Variants in YTHDF2 observed in about 807,000 individuals in gnomAD.
The protein encoded by YTHDF2 is YTH N6-methyladenosine RNA binding protein F2.
In YTHDF2, 2 loss-of-function variants were observed where a neutral mutation model predicts 50.4. That is an observed-to-expected ratio of 0.04 (90% CI 0.02 to 0.12). The LOEUF is 0.12. YTHDF2 is among the 10% of genes least tolerant of loss of function. YTHDF2 has a pLI of 1.00. For missense variants in YTHDF2, 483 were observed against 722.6 expected, an observed-to-expected ratio of 0.67 and a Z score of 3.80; for synonymous variants, 217 against 255.6, an observed-to-expected ratio of 0.85 and a Z score of 1.44.
chr1:28,754,384 G>A (rs557035228), intron 4 of YTHDF2, among the ~76,000 whole-genome samples: 22 of 152,252 alleles, frequency 1.4e-4, no homozygotes, highest in African/African-American at 4.8e-4. Flanking sequence ...AAAAAAATTA[G>A]CCGGGCGTGG....
chr1:28,742,215 G>A (rs944918591), intron 3 of YTHDF2, among the ~76,000 whole-genome samples, 188 bp from the exon 4 acceptor site: 13 of 151,804 alleles, frequency 8.6e-5, no homozygotes, highest in African/African-American at 3.1e-4. Context: ...GGTTGGTCTC[G>A]AGCTCCTGAC....
intron 3 of YTHDF2, among the ~76,000 whole-genome samples, chr1:28,741,593 C>T (rs1202844735): frequency 1.3e-5 from 2 of 152,202 alleles, no homozygotes; most frequent in African/African-American, 4.8e-5. Context: ...TGCGCCTGGC[C>T]ATATTTCTCA....
intron 3 of YTHDF2, among the ~76,000 whole-genome samples, chr1:28,739,552 G>A (rs552928523): frequency 1.3e-5 from 2 of 151,606 alleles, no homozygotes; most frequent in South Asian, 4.2e-4. Flanking sequence ...CGCCCTCCTC[G>A]ACCTCTCAGA....
rs1373573818 is a variant in YTHDF2 at position 28,736,970 on chromosome 1, A to C, written c.-151A>C. On this transcript the variant is annotated 5_prime_UTR_variant, in exon 1 of 5. Coordinates refer to ENST00000373812, the MANE Select transcript of YTHDF2 (RefSeq NM_016258.3). ...GTCGCCGAGTCGGAGCCGGAGCCTG[A>C]GCCGCGCGCTGTGTCTCCGCTGCGT... 14 of 961,634 alleles carry C rather than the reference A, an allele frequency of 1.5e-5. No homozygotes were observed. Among genetic ancestry groups the C allele is most frequent in the Non-Finnish European group, 2.1e-5 (14 of 653,498 alleles). 59.6% of individuals were successfully genotyped at this position (961,634 alleles called of 1,614,324 possible). A position where few individuals can be genotyped will look rare whatever the true frequency, so the allele number is the denominator to read the frequency against.
intron 4 of YTHDF2, among the ~76,000 whole-genome samples, chr1:28,749,985 T>C (rs574904371): frequency 1.0e-5 from 1 of 95,374 alleles, no homozygotes; most frequent in Non-Finnish European, 2.1e-5. Context: ...AAAAAAAGGT[T>C]GTTTTTTTTT....
chr1:28,740,493 G>T (rs1386765072), intron 3 of YTHDF2: 3 of 152,116 alleles, frequency 2.0e-5, no homozygotes, highest in Non-Finnish European at 4.4e-5. Context: ...TGAGAATCTA[G>T]TTCATTGTCT....
intron 4 of YTHDF2, among the ~76,000 whole-genome samples, chr1:28,745,449 T>A (rs374146374): frequency 1.3e-5 from 2 of 152,214 alleles, no homozygotes; most frequent in South Asian, 4.1e-4. Context: ...GTCTTCCATA[T>A]TAAGCCTGGC....
chr1:28,750,095 A>G (rs1314656881), intron 4 of YTHDF2, among the ~76,000 whole-genome samples: 2 of 143,174 alleles, frequency 1.4e-5, no homozygotes, highest in Non-Finnish European at 3.0e-5. Context: ...GGTTCAAGCG[A>G]TTCTCCTGCC....
rs533451190 is a variant in YTHDF2, at chr1:28,764,728, A to G, written c.1717-4201A>G. On this transcript the variant is annotated intron_variant, in intron 4 of 4. Transcript: ENST00000373812. The stretch of plus-strand genomic sequence containing the variant: ...GGCCTCAATTTTTTATTTTTAGTAG[A>G]GATGGGGTTTTGCCATGTTGGCCAT... 7.9e-4 allele frequency among the ~76,000 whole-genome samples: 119 copies of G among 151,074 alleles called. No individual in the cohort carries two copies. In the Middle Eastern group the frequency reaches 0.021, roughly 26 times the overall value.
intron 4 of YTHDF2, among the ~76,000 whole-genome samples, chr1:28,765,155 GCAT>G (rs982949155): frequency 1.3e-5 from 2 of 151,794 alleles, no homozygotes; most frequent in African/African-American, 4.8e-5. Flanking sequence ...GTGTGTGCCA[GCAT>G]GCTGGCTAAT....
Position 28,736,996 on chromosome 1 carries a change from C to G in YTHDF2, c.-125C>G. On this transcript the variant is annotated 5_prime_UTR_variant, in exon 1 of 5. Transcript: ENST00000373812. ...GCCGCGCGCTGTGTCTCCGCTGCGT[C>G]CGCCGAGGCCCCCGAGTGTCAGGGA... 1 of 1,253,312 alleles carries G rather than the reference C, an allele frequency of 8.0e-7. No individual in the cohort carries two copies. Among genetic ancestry groups the G allele is most frequent in the South Asian group, 1.4e-5 (1 of 73,828 alleles). 77.6% of individuals were successfully genotyped at this position (1,253,312 alleles called of 1,614,324 possible).
intron 4 of YTHDF2, among the ~76,000 whole-genome samples, chr1:28,754,104 C>T (rs928585846): frequency 3.9e-5 from 6 of 152,224 alleles, no homozygotes; most frequent in African/African-American, 9.6e-5. Context: ...GAAACACTTA[C>T]TGAGCATTGA....
chr1:28,751,903 GTAA>G (rs746088174), intron 4 of YTHDF2, among the ~76,000 whole-genome samples: 4 of 152,210 alleles, frequency 2.6e-5, no homozygotes, highest in Non-Finnish European at 5.9e-5. Flanking sequence ...TGCCAAATAA[GTAA>G]TAATAGAATG....
chr1:28,765,173 G>A (rs2088198214), intron 4 of YTHDF2, among the ~76,000 whole-genome samples: 1 of 151,098 alleles, frequency 6.6e-6, no homozygotes, highest in Non-Finnish European at 1.5e-5. Context: ...GCTAATATTT[G>A]TATTTTTTTT....
At chr1:28,758,205 A>G (rs960201172) in intron 4 of YTHDF2, among the ~76,000 whole-genome samples, 1 of 152,084 alleles carries the variant, frequency 6.6e-6, no homozygotes, top group Non-Finnish European at 1.5e-5. Context: ...GGCAAGCAAT[A>G]ATAAAAAGAA....
intron 4 of YTHDF2, among the ~76,000 whole-genome samples, chr1:28,762,561 A>G (rs2088152408): frequency 6.6e-6 from 1 of 152,218 alleles, no homozygotes; most frequent in Non-Finnish European, 1.5e-5. Flanking sequence ...AACATTTACC[A>G]GATTTTAATG....
At chr1:28,742,273 G>C (rs894173616) in intron 3 of YTHDF2, 130 bp from the exon 4 acceptor site, 3 of 1,214,162 alleles carry the variant, frequency 2.5e-6, no homozygotes, top group Admixed American at 2.7e-5. Context: ...GGGATTACAG[G>C]TGTGAGCCAC....
intron 4 of YTHDF2, among the ~76,000 whole-genome samples, chr1:28,766,163 G>A (rs2088212664): frequency 6.6e-6 from 1 of 152,178 alleles, no homozygotes; most frequent in African/African-American, 2.4e-5. Flanking sequence ...AGAGTGCAGT[G>A]GCACGATCAT....
At position 28,768,908 on chromosome 1, in the gene YTHDF2, AT is replaced by A. The variant is rs1469825888; in HGVS notation, c.1717-14del. On this transcript the variant is annotated intron_variant, in intron 4 of 4. Coordinates refer to ENST00000373812, the MANE Select transcript of YTHDF2 (RefSeq NM_016258.3). ...GTTCAGATAATTTTTAACCATTTCAATTTTTTTCTTACCTCTGTAGGAACGT... is the reference window on the plus strand; with the variant it reads ...GTTCAGATAATTTTTAACCATTTCAATTTTTTCTTACCTCTGTAGGAACGT... The A allele has an allele frequency of 1.3e-6, 2 of 1,575,218 alleles. No homozygotes were observed. The highest frequency in any genetic ancestry group is 1.7e-5 in the Admixed American group (1 of 58,238).
Sources: allele counts gnomAD v4.1 joint callset (sites outside exome capture counted in the v4.1 genomes callset), GRCh38; gene constraint gnomAD v4.1.1; transcripts MANE v1.5; gene names NCBI Gene and HGNC (gene_info 2026-07-23, HGNC 2026-07-21).